TCN2: variants seen among roughly 807,000 people sequenced by gnomAD.
The protein encoded by TCN2 is transcobalamin-2.
A neutral mutation model predicts 48.6 loss-of-function variants in TCN2; 34 were observed. The observed-to-expected ratio is 0.70, with a 90% CI of 0.53 to 0.93. The LOEUF (loss-of-function observed/expected upper bound fraction) is 0.93, where lower values mean the gene tolerates loss of function less well. Ranked by LOEUF, TCN2 falls within the 40% of genes least tolerant of loss-of-function variation. TCN2 has a pLI of 0.00. For missense variants in TCN2, 652 were observed against 526.1 expected, an observed-to-expected ratio of 1.24 and a Z score of -2.34; for synonymous variants, 283 against 212.5, an observed-to-expected ratio of 1.33 and a Z score of -2.89.
chr22:30,621,597 C>T (rs1189942261), intron 7 of TCN2, among the ~76,000 whole-genome samples: 1 of 152,188 alleles, frequency 6.6e-6, no homozygotes, highest in African/African-American at 2.4e-5. Flanking sequence ...ATTCTCCTGC[C>T]TCAGTCTCCT....
chr22:30,612,073 A>G (rs1193505155), intron 2 of TCN2, among the ~76,000 whole-genome samples: 1 of 151,566 alleles, frequency 6.6e-6, no homozygotes, highest in African/African-American at 2.4e-5. Context: ...CACATCTCTT[A>G]AAAAAAAGAA....
intron 7 of TCN2, among the ~76,000 whole-genome samples, chr22:30,618,914 C>CAT (rs1365776713): frequency 6.6e-6 from 1 of 152,076 alleles, no homozygotes; most frequent in Non-Finnish European, 1.5e-5. Flanking sequence ...GGACTATGGG[C>CAT]ATGCACCACC....
At chr22:30,613,158 A>C (rs1436477846) in intron 3 of TCN2, 116 bp downstream of exon 3, 2 of 1,424,532 alleles carry the variant, frequency 1.4e-6, no homozygotes, top group Admixed American at 4.0e-5. Context: ...CCCACCATCC[A>C]TTCTGCCCAT....
chr22:30,625,521 A>G (rs1477929622), intron 8 of TCN2, among the ~76,000 whole-genome samples: 1 of 151,962 alleles, frequency 6.6e-6, no homozygotes, highest in African/African-American at 2.4e-5. Flanking sequence ...TGAGTGCAGT[A>G]TCACAATCTC....
intron 7 of TCN2, among the ~76,000 whole-genome samples, chr22:30,620,548 C>T (rs977542287): frequency 6.6e-6 from 1 of 152,238 alleles, no homozygotes; most frequent in African/African-American, 2.4e-5. Flanking sequence ...TAACGCAATG[C>T]TGCTGGGCAC....
intron 8 of TCN2, chr22:30,623,296 C>T: frequency 2.7e-6 from 1 of 373,012 alleles, no homozygotes; most frequent in East Asian, 4.4e-5. Flanking sequence ...AGACAGATTA[C>T]AAAAAAAAAA....
chr22:30,611,327 G>T (rs1256970106), intron 2 of TCN2, among the ~76,000 whole-genome samples: 1 of 152,194 alleles, frequency 6.6e-6, no homozygotes, highest in African/African-American at 2.4e-5. Context: ...ACTCTTTGAT[G>T]ATGAGCCCAG....
intron 1 of TCN2, 91 bp downstream of exon 1, chr22:30,607,486 C>T (rs878976964): frequency 7.1e-7 from 1 of 1,413,736 alleles, no homozygotes; most frequent in South Asian, 1.2e-5. Flanking sequence ...ACCTGCCCTT[C>T]TAAGCTCCCA....
Position 30,627,122 on chromosome 22 carries a change from T to A in TCN2, c.*601T>A, listed in dbSNP as rs2087822131. 5.9e-6 allele frequency: 1 copy of A among 169,390 alleles called. No homozygotes were observed. Among genetic ancestry groups the A allele is most frequent in the Admixed American group, 5.5e-5 (1 of 18,266 alleles). The allele number at this position is 169,390 out of a possible 1,614,324, so 10.5% of individuals were successfully genotyped here. ...GGGCAGGGACAAGAGAAGGGGGAAGTAACCCCATCAGGGAGGAGTGGAGGG... is the reference window on the plus strand; with the variant it reads ...GGGCAGGGACAAGAGAAGGGGGAAGAAACCCCATCAGGGAGGAGTGGAGGG... On this transcript the variant is annotated 3_prime_UTR_variant, in exon 9 of 9. Coordinates refer to ENST00000215838, the MANE Select transcript of TCN2 (RefSeq NM_000355.4).
At chr22:30,619,754 C>T (rs1007806606) in intron 7 of TCN2, among the ~76,000 whole-genome samples, 4 of 152,130 alleles carry the variant, frequency 2.6e-5, no homozygotes, top group South Asian at 2.1e-4. Context: ...AATCTCAGAC[C>T]GGAGAAATGC....
chr22:30,617,008 A>C (rs183818678), intron 6 of TCN2, among the ~76,000 whole-genome samples: 20 of 152,238 alleles, frequency 1.3e-4, no homozygotes, highest in African/African-American at 4.8e-4. Context: ...TGCATGTTCT[A>C]GGAAGAGCCC....
intron 2 of TCN2, among the ~76,000 whole-genome samples, chr22:30,612,438 T>C (rs972087711): frequency 2.6e-5 from 4 of 151,892 alleles, no homozygotes; most frequent in African/African-American, 9.7e-5. Flanking sequence ...TAATCCCAGC[T>C]ACTTGGGAGG....
At chr22:30,623,926 G>A (rs1363220876) in intron 8 of TCN2, among the ~76,000 whole-genome samples, 8 of 26,870 alleles carry the variant, frequency 3.0e-4, no homozygotes, top group Non-Finnish European at 5.2e-4. Context: ...ACATATATAT[G>A]TATACATATA....
chr22:30,623,939 C>CACACACATATATGTATACATAT (rs1569046902), intron 8 of TCN2, among the ~76,000 whole-genome samples: 1 of 35,860 alleles, frequency 2.8e-5, no homozygotes, highest in Non-Finnish European at 4.3e-5. Context: ...TACATATATA[C>CACACACATATATGTATACATAT]ACACACACAT....
rs1179069763 is a variant in TCN2 at position 30,626,673 on chromosome 22, T to G, written c.*152T>G. The G allele has an allele frequency of 6.0e-6, 5 of 830,940 alleles. No individual in the cohort carries two copies. The highest frequency in any genetic ancestry group is 1.0e-5 in the Non-Finnish European group (5 of 499,042). The allele number at this position is 830,940 out of a possible 1,614,324, so 51.5% of individuals were successfully genotyped here. ...CTGGGATCACCCCAGCCACAAGCCC[T>G]TCGAGGGCCCTATACCATGGCCCAC... On this transcript the variant is annotated 3_prime_UTR_variant, in exon 9 of 9. Transcript: ENST00000215838.
At chr22:30,623,327 C>T (rs1007590762) in intron 8 of TCN2, 5 of 519,228 alleles carry the variant, frequency 9.6e-6, no homozygotes, top group Non-Finnish European at 1.7e-5. Flanking sequence ...AGAAAATTAA[C>T]ATCACCTAGG....
Position 30,615,288 on chromosome 22 carries a change from C to T in TCN2, c.581-13C>T, listed in dbSNP as rs770733228. 3.1e-6 allele frequency: 5 copies of T among 1,614,020 alleles called. No individual in the cohort carries two copies. In the African/African-American group the frequency reaches 5.3e-5, roughly 17 times the overall value. ...CTCTCCAGCTCATTGCATGTTCTGT[C>T]CCCCACTTCAAGACACAGCAGCCAT... On this transcript the variant is annotated splice_polypyrimidine_tract_variant and intron_variant, in intron 4 of 8. Transcript: ENST00000215838.
At chr22:30,608,241 G>A (rs1188151059) in intron 1 of TCN2, among the ~76,000 whole-genome samples, 1 of 152,208 alleles carries the variant, frequency 6.6e-6, no homozygotes, top group East Asian at 1.9e-4. Flanking sequence ...TGAGACCCTG[G>A]GGAAACCCTG....
Position 30,610,936 on chromosome 22 carries a change from C to T in TCN2, c.130C>T (p.Arg44Trp), listed in dbSNP as rs374992877. 8.4e-5 allele frequency: 136 copies of T among 1,614,068 alleles called. 1 individual carries two copies. In the African/African-American group the frequency reaches 1.7e-3, roughly 20 times the overall value. Residue 44 changes from arginine (R) to tryptophan (W), a missense_variant, in exon 2 of 9, where the codon CGG becomes TGG. Physicochemically the swap from Arg to Trp is moderately radical, Grantham distance 101. Coordinates refer to ENST00000215838, the MANE Select transcript of TCN2 (RefSeq NM_000355.4). The part of the protein sequence containing the change: ...LGQHLLPWMD[R>W]LSLEHLNPSI... ...CCAGCACCTCTTACCTTGGATGGAC[C>T]GGCTTTCCCTGGAGCACTTGAACCC...
Sources: allele counts gnomAD v4.1 joint callset (sites outside exome capture counted in the v4.1 genomes callset), GRCh38; gene constraint gnomAD v4.1.1; transcripts MANE v1.5; gene names NCBI Gene and HGNC (gene_info 2026-07-23, HGNC 2026-07-21).